TACC1: variants seen among roughly 807,000 people sequenced by gnomAD.
The protein encoded by TACC1 is transforming acidic coiled-coil-containing protein 1.
In TACC1, 48 loss-of-function variants were observed where a neutral mutation model predicts 84.4. That is an observed-to-expected ratio of 0.57 (90% CI 0.45 to 0.72). The LOEUF (loss-of-function observed/expected upper bound fraction) is 0.72. Ranked by LOEUF, TACC1 falls within the 30% of genes least tolerant of loss-of-function variation. TACC1 has a pLI of 0.00. For missense variants in TACC1, 920 were observed against 973.0 expected, an observed-to-expected ratio of 0.95 and a Z score of 0.72; for synonymous variants, 372 against 376.3, an observed-to-expected ratio of 0.99 and a Z score of 0.13.
intron 3 of TACC1, among the ~76,000 whole-genome samples, chr8:38,756,103 C>A (rs1052939515): frequency 6.6e-6 from 1 of 151,798 alleles, no homozygotes; most frequent in Non-Finnish European, 1.5e-5. Flanking sequence ...TGTGAGCCAC[C>A]GCGCCCGGCC....
At position 38,788,788 on chromosome 8, in the gene TACC1, C is replaced by G. The variant is rs754547308; in HGVS notation, c.246C>G (p.Leu82=). 3 of 1,612,998 alleles carry G rather than the reference C, an allele frequency of 1.9e-6. No homozygotes were observed. Among genetic ancestry groups the G allele is most frequent in the African/African-American group, 2.7e-5 (2 of 74,878 alleles). ...TCAAGGAGTCCTGTGATCCATCACT[C>G]GGATTGGCAGGACCTGGGGCCAAAA... ...SPFKESCDPS[L]GLAGPGAKSQ... The change falls in exon 2 of 13, where the codon CTC becomes CTG. Residue 82 remains leucine, a synonymous_variant. Transcript: ENST00000317827.
intron 3 of TACC1, among the ~76,000 whole-genome samples, chr8:38,758,585 A>G (rs1810569585): frequency 1.4e-5 from 2 of 148,010 alleles, no homozygotes; most frequent in Admixed American, 6.9e-5. Flanking sequence ...AGGCTGAGGC[A>G]GGAGAATCAC....
At chr8:38,741,487 T>C (rs1807064162) in intron 1 of TACC1, among the ~76,000 whole-genome samples, 1 of 152,174 alleles carries the variant, frequency 6.6e-6, no homozygotes, top group African/African-American at 2.4e-5. Flanking sequence ...CAGTGAACCA[T>C]GAATACTGAT....
chr8:38,787,323 C>T lies in TACC1; in HGVS notation c.-260C>T, dbSNP rs1817459770. 1 of 1,254,232 alleles carries T rather than the reference C, an allele frequency of 8.0e-7. No individual in the cohort carries two copies. The highest frequency in any genetic ancestry group is 1.6e-5 in the African/African-American group (1 of 63,370). 77.7% of individuals were successfully genotyped at this position (1,254,232 alleles called of 1,614,324 possible). On this transcript the variant is annotated 5_prime_UTR_variant, in exon 1 of 13. Transcript: ENST00000317827. Reference sequence around the variant, plus strand: ...CCTGAGGAGGCCACAGGACGGGCGTCTTCCCGGCTAGTGGAGCCCGGCGCG... The same window carrying T: ...CCTGAGGAGGCCACAGGACGGGCGTTTTCCCGGCTAGTGGAGCCCGGCGCG...
rs760485408 is a variant in TACC1 at position 38,787,752 on chromosome 8, A to G, written c.161+9A>G. 1.1e-5 allele frequency: 16 copies of G among 1,520,878 alleles called. No homozygotes were observed. Among genetic ancestry groups the G allele is most frequent in the Non-Finnish European group, 1.2e-5 (14 of 1,143,024 alleles). 94.2% of individuals were successfully genotyped at this position (1,520,878 alleles called of 1,614,324 possible). On this transcript the variant is annotated intron_variant, in intron 1 of 12. Transcript: ENST00000317827. ...AAATCCTTGAGTTTCAGGCAAGTAC[A>G]CGGCGTCCCCGCTGAGATGCAGACG...
At chr8:38,792,434 T>A (rs982775484) in intron 2 of TACC1, among the ~76,000 whole-genome samples, 1 of 151,920 alleles carries the variant, frequency 6.6e-6, no homozygotes, top group African/African-American at 2.4e-5. Flanking sequence ...GCTGGGACTA[T>A]AGGCACACAC....
At chr8:38,798,607 G>A (rs1347110734) in intron 2 of TACC1, among the ~76,000 whole-genome samples, 1 of 11,946 alleles carries the variant, frequency 8.4e-5, no homozygotes, top group Admixed American at 7.3e-4. Flanking sequence ...TGGGTTCTGC[G>A]TGTGTGTGTG....
At chr8:38,728,789 G>A (rs1221794568) in intron 1 of TACC1, 1 of 152,282 alleles carries the variant, frequency 6.6e-6, no homozygotes, top group Non-Finnish European at 1.5e-5. Flanking sequence ...GCGCCGGGTG[G>A]TGGGTGGACT....
upstream of TACC1, among the ~76,000 whole-genome samples, chr8:38,783,264 G>A (rs1272733588): frequency 6.6e-6 from 1 of 151,790 alleles, no homozygotes; most frequent in Non-Finnish European, 1.5e-5. Flanking sequence ...CTGTGATACA[G>A]AAGAAAACAG....
At chr8:38,777,773 C>T (rs2151926544) in intron 3 of TACC1, among the ~76,000 whole-genome samples, 1 of 152,246 alleles carries the variant, frequency 6.6e-6, no homozygotes, top group South Asian at 2.1e-4. Context: ...TCAGCCTGGA[C>T]AATAGAGCAA....
intron 1 of TACC1, among the ~76,000 whole-genome samples, chr8:38,737,561 C>T (rs1238876637): frequency 6.6e-6 from 1 of 151,982 alleles, no homozygotes; most frequent in Non-Finnish European, 1.5e-5. Context: ...TCAGCACTGG[C>T]CAGTGTGATG....
intron 2 of TACC1, among the ~76,000 whole-genome samples, chr8:38,798,886 G>A (rs1298520045): frequency 6.6e-6 from 1 of 151,954 alleles, no homozygotes; most frequent in Non-Finnish European, 1.5e-5. Flanking sequence ...AATAAATTGT[G>A]TACTTCTCCA....
intron 1 of TACC1, among the ~76,000 whole-genome samples, chr8:38,741,389 C>T (rs1294027576): frequency 6.6e-6 from 1 of 152,134 alleles, no homozygotes; most frequent in East Asian, 1.9e-4. Context: ...AAACTCCTGA[C>T]CTCGGGTGAT....
chr8:38,801,965 T>C (rs1318236368), intron 2 of TACC1, among the ~76,000 whole-genome samples: 3 of 152,210 alleles, frequency 2.0e-5, no homozygotes, highest in East Asian at 1.9e-4. Flanking sequence ...CCAAGCTGGA[T>C]TGCAGTGATG....
intron 9 of TACC1, among the ~76,000 whole-genome samples, chr8:38,840,946 G>A (rs1290560874): frequency 1.3e-5 from 2 of 152,196 alleles, no homozygotes; most frequent in Admixed American, 1.3e-4. Context: ...CTACTCGGGA[G>A]GCTGAGGCAG....
chr8:38,828,936 T>C (rs1331784366), intron 5 of TACC1, among the ~76,000 whole-genome samples: 1 of 152,204 alleles, frequency 6.6e-6, no homozygotes, highest in East Asian at 1.9e-4. Context: ...ACAGATGTGG[T>C]AAGTTGAGAT....
intron 1 of TACC1, among the ~76,000 whole-genome samples, chr8:38,740,008 A>G (rs1016706899): frequency 2.0e-5 from 3 of 152,222 alleles, no homozygotes; most frequent in African/African-American, 7.2e-5. Flanking sequence ...ATTTCAGCTC[A>G]AGAGAAGAGA....
At chr8:38,836,873 G>A (rs1029100619) in intron 7 of TACC1, among the ~76,000 whole-genome samples, 2 of 152,044 alleles carry the variant, frequency 1.3e-5, no homozygotes, top group African/African-American at 4.8e-5. Context: ...TGTTTTGTGT[G>A]TTTCTTGACA....
Position 38,787,279 on chromosome 8 carries a change from G to T in TACC1, c.-304G>T. ...CGGGAGCAGCAGAGGTCTAGCAGCC[G>T]GGCGCCGCGGGCCGGGGGCCTGAGG... On this transcript the variant is annotated 5_prime_UTR_variant, in exon 1 of 13. Coordinates refer to ENST00000317827, the MANE Select transcript of TACC1 (RefSeq NM_006283.3). 1 of 1,087,738 alleles carries T rather than the reference G, an allele frequency of 9.2e-7. No individual in the cohort carries two copies. The highest frequency in any genetic ancestry group is 1.1e-6 in the Non-Finnish European group (1 of 896,050). The allele number at this position is 1,087,738 out of a possible 1,614,324, so 67.4% of individuals were successfully genotyped here.
Sources: gnomAD v4.1 joint callset for allele counts (sites outside exome capture counted in the v4.1 genomes callset) on GRCh38, gnomAD v4.1.1 for gene constraint, MANE v1.5 for transcripts, NCBI Gene and HGNC (gene_info 2026-07-23, HGNC 2026-07-21) for gene names.